Variants in TENM2 observed in about 807,000 individuals in gnomAD.
The protein encoded by TENM2 is teneurin-2.
A neutral mutation model predicts 245.2 loss-of-function variants in TENM2; 52 were observed. The observed-to-expected ratio is 0.21, with a 90% CI of 0.17 to 0.27. The LOEUF (loss-of-function observed/expected upper bound fraction) is 0.27. Among genes scored for constraint, TENM2 ranks in the 10% least tolerant of loss-of-function variants. TENM2 has a pLI of 1.00. For synonymous variants in TENM2, 1,363 were observed against 1,438.9 expected (o/e 0.95, Z 1.19); for missense variants, 3,046 against 3,666.8 (o/e 0.83, Z 4.37).
At chr5:168,227,758 A>C in intron 24 of TENM2, 137 bp from the exon 27 acceptor site, 1 of 587,866 alleles carries the variant, frequency 1.7e-6, no homozygotes, top group Non-Finnish European at 3.1e-6. Flanking sequence ...TATGTGTGCT[A>C]ATTGAAGGCA....
At chr5:167,616,158 A>G (rs1561604515) in intron 2 of TENM2, among the ~76,000 whole-genome samples, 1 of 152,148 alleles carries the variant, frequency 6.6e-6, no homozygotes, top group Non-Finnish European at 1.5e-5. Flanking sequence ...GTAGGGTTCC[A>G]TAATCACACC....
chr5:168,075,084 C>G (rs1230157251), intron 7 of TENM2, among the ~76,000 whole-genome samples: 1 of 152,120 alleles, frequency 6.6e-6, no homozygotes, highest in East Asian at 1.9e-4. Context: ...ATCCCTCACC[C>G]CGCTTCCACC....
intron 27 of TENM2, among the ~76,000 whole-genome samples, chr5:168,255,508 A>G (rs1408984868): frequency 6.6e-6 from 1 of 151,870 alleles, no homozygotes; most frequent in Admixed American, 6.6e-5. Flanking sequence ...CTTTCACCAT[A>G]TTGATCAAGC....
intron 3 of TENM2, among the ~76,000 whole-genome samples, chr5:167,926,760 ACAC>A (rs1777800481): frequency 2.0e-5 from 3 of 147,230 alleles, no homozygotes; most frequent in African/African-American, 5.2e-5. Context: ...ACACACACAC[ACAC>A]AAGACCTTAG....
intron 19 of TENM2, among the ~76,000 whole-genome samples, chr5:168,206,545 G>A (rs1762358875): frequency 6.6e-6 from 1 of 152,182 alleles, no homozygotes; most frequent in African/African-American, 2.4e-5. Flanking sequence ...GGAGGAGGGG[G>A]CATGGTAACC....
At chr5:167,007,848 G>A in the TENM2 span, among the ~76,000 whole-genome samples, 2 of 152,084 alleles carry the variant, frequency 1.3e-5, no homozygotes, top group Non-Finnish European at 2.9e-5. The surrounding 1 kb of genome is among the most constrained non-coding windows in gnomAD (Gnocchi z 4.2). Flanking sequence ...TCACTCCCAC[G>A]AGCCAGCCTG....
chr5:167,438,348 A>C (rs2127455393), intron 2 of TENM2, among the ~76,000 whole-genome samples: 1 of 152,338 alleles, frequency 6.6e-6, no homozygotes, highest in African/African-American at 2.4e-5. Context: ...GGCACTTCAC[A>C]GACATATACA....
chr5:168,004,510 C>T lies in TENM2; in HGVS notation c.1186+11328C>T, dbSNP rs769673463. 2.1e-4 allele frequency among the ~76,000 whole-genome samples: 16 copies of T among 76,634 alleles called. No homozygotes were observed. In the East Asian group the frequency reaches 4.6e-3, roughly 22 times the overall value. The allele number at this position is 76,634 out of a possible 152,430, so 50.3% of individuals were successfully genotyped here. On this transcript the variant is annotated intron_variant, in intron 5 of 28. Coordinates refer to ENST00000518659, the Ensembl canonical transcript of TENM2. ...CCCCCATTTGGGATGCACGCATGCGCGCGCGCGCACACACACACACACACA... is the reference window on the plus strand; with the variant it reads ...CCCCCATTTGGGATGCACGCATGCGTGCGCGCGCACACACACACACACACA...
intron 2 of TENM2, among the ~76,000 whole-genome samples, chr5:167,708,706 C>G (rs1278547156): frequency 2.6e-5 from 4 of 152,148 alleles, no homozygotes; most frequent in African/African-American, 9.7e-5. Flanking sequence ...AGCCTCTCCC[C>G]CTCTGCCTGC....
intron 13 of TENM2, among the ~76,000 whole-genome samples, chr5:168,181,365 A>G (rs2152491286): frequency 6.6e-6 from 1 of 152,360 alleles, no homozygotes; most frequent in East Asian, 1.9e-4. Context: ...CCTTACCTGA[A>G]TCAGATTTCT....
the TENM2 span, among the ~76,000 whole-genome samples, chr5:167,208,613 A>AG: frequency 6.6e-6 from 1 of 152,280 alleles, no homozygotes; most frequent in East Asian, 1.9e-4. Flanking sequence ...CCTGAGTTGG[A>AG]GGGTTGTCTT....
At chr5:168,073,109 A>G (rs1440629089) in intron 7 of TENM2, among the ~76,000 whole-genome samples, 1 of 152,100 alleles carries the variant, frequency 6.6e-6, no homozygotes, top group Non-Finnish European at 1.5e-5. Context: ...ATGGGATGGG[A>G]GATTTGGAAT....
chr5:167,064,830 G>A, the TENM2 span, among the ~76,000 whole-genome samples: 5 of 152,130 alleles, frequency 3.3e-5, no homozygotes, highest in Non-Finnish European at 7.4e-5. Flanking sequence ...TGACATACGG[G>A]ATTCTTATTT....
At chr5:167,724,288 GTTTTT>G (rs1300011133) in intron 2 of TENM2, among the ~76,000 whole-genome samples, 1 of 143,750 alleles carries the variant, frequency 7.0e-6, no homozygotes, top group Non-Finnish European at 1.5e-5. Flanking sequence ...TAAATTACTA[GTTTTT>G]TTTTTTTTTC....
chr5:167,350,966 TG>T (rs1342624798), intron 1 of TENM2, among the ~76,000 whole-genome samples: 1 of 82,666 alleles, frequency 1.2e-5, no homozygotes, highest in Non-Finnish European at 2.6e-5. Context: ...GATATATATA[TG>T]GGGTATATAC....
intron 2 of TENM2, among the ~76,000 whole-genome samples, chr5:167,649,924 G>A (rs1754335525): frequency 6.6e-6 from 1 of 152,094 alleles, no homozygotes; most frequent in Non-Finnish European, 1.5e-5. Flanking sequence ...TGGAAATTGA[G>A]CCATATAGAT....
chr5:167,017,331 A>C, the TENM2 span, among the ~76,000 whole-genome samples: 1 of 152,188 alleles, frequency 6.6e-6, no homozygotes, highest in Non-Finnish European at 1.5e-5. Context: ...TAAAATGTTA[A>C]AAATCTGTGT....
intron 2 of TENM2, among the ~76,000 whole-genome samples, chr5:167,502,642 T>C (rs1233577376): frequency 6.6e-6 from 1 of 152,206 alleles, no homozygotes; most frequent in Non-Finnish European, 1.5e-5. Flanking sequence ...AAGTTATTTC[T>C]CTTCTTTCTA....
At chr5:168,118,419 C>A in exon 10 of TENM2, 1 of 1,610,328 alleles carries the variant, frequency 6.2e-7, no homozygotes, top group South Asian at 1.1e-5. Context: ...CCTGCGGGGG[C>A]CACGGCTCCT....
Sources: gnomAD v4.1 joint callset for allele counts (sites outside exome capture counted in the v4.1 genomes callset) on GRCh38, gnomAD v4.1.1 for gene constraint, Gnocchi (gnomAD v3.1) non-coding constraint, MANE v1.5 for transcripts, NCBI Gene and HGNC (gene_info 2026-07-23, HGNC 2026-07-21) for gene names.